ELP4: variants seen among roughly 807,000 people sequenced by gnomAD.
ELP4 encodes elongator acetyltransferase complex subunit 4, also known as elongator complex protein 4.
A neutral mutation model predicts 48.9 loss-of-function variants in ELP4; 51 were observed. The observed-to-expected ratio is 1.04, with a 90% CI of 0.83 to 1.32. The LOEUF (loss-of-function observed/expected upper bound fraction) is 1.32. Ranked by LOEUF, ELP4 falls within the 40% of genes most tolerant of loss-of-function variation. The probability of loss-of-function intolerance (pLI) is 0.00; values close to 1 mark genes in which losing one functional copy is unlikely to be tolerated. For synonymous variants in ELP4, 210 were observed against 189.2 expected, an observed-to-expected ratio of 1.11 and a Z score of -0.90; for missense variants, 519 against 514.6, an observed-to-expected ratio of 1.01 and a Z score of -0.08.
At chr11:31,725,781 T>A (rs1017628649) in intron 9 of ELP4, among the ~76,000 whole-genome samples, 1 of 152,150 alleles carries the variant, frequency 6.6e-6, no homozygotes, top group South Asian at 2.1e-4. Flanking sequence ...CCTTAGAGGG[T>A]ATCTGGGTCC....
intron 9 of ELP4, among the ~76,000 whole-genome samples, chr11:31,702,734 A>G (rs1200236120): frequency 6.6e-6 from 1 of 152,140 alleles, no homozygotes; most frequent in Non-Finnish European, 1.5e-5. Context: ...TCTGGCTATA[A>G]AAAATCTCTG....
At chr11:31,744,894 C>T (rs897093322) in intron 9 of ELP4, among the ~76,000 whole-genome samples, 1 of 152,016 alleles carries the variant, frequency 6.6e-6, no homozygotes, top group African/African-American at 2.4e-5. Context: ...GGCCAGGGCA[C>T]TCAGGCAGGG....
At chr11:31,657,127 T>C (rs1945454498) in intron 9 of ELP4, among the ~76,000 whole-genome samples, 1 of 152,068 alleles carries the variant, frequency 6.6e-6, no homozygotes, top group South Asian at 2.1e-4. Flanking sequence ...TTAGTAAATA[T>C]GGTATCCTTA....
At chr11:31,557,605 A>C (rs963511722) in intron 3 of ELP4, among the ~76,000 whole-genome samples, 9 of 152,056 alleles carry the variant, frequency 5.9e-5, no homozygotes, top group African/African-American at 2.2e-4. Flanking sequence ...GAATCCAGAA[A>C]TACCTCAGGT....
intron 9 of ELP4, chr11:31,780,572 T>C (rs1948348781): frequency 6.6e-6 from 1 of 152,226 alleles, no homozygotes; most frequent in Admixed American, 6.5e-5. Flanking sequence ...TAAATTTTTA[T>C]GCTCAGAAGT....
intron 3 of ELP4, among the ~76,000 whole-genome samples, chr11:31,586,642 TG>T (rs1389747041): frequency 6.6e-6 from 1 of 151,868 alleles, no homozygotes; most frequent in African/African-American, 2.4e-5. Context: ...GTATGTTTTT[TG>T]GTTTTTTTTT....
intron 5 of ELP4, among the ~76,000 whole-genome samples, chr11:31,616,974 C>T (rs776325567): frequency 1.3e-4 from 20 of 151,968 alleles, no homozygotes; most frequent in Admixed American, 3.3e-4. Context: ...AACCCTTGTG[C>T]ACTATTTGGG....
At chr11:31,564,791 G>A (rs1233159699) in intron 3 of ELP4, among the ~76,000 whole-genome samples, 3 of 152,104 alleles carry the variant, frequency 2.0e-5, no homozygotes, top group African/African-American at 7.2e-5. Flanking sequence ...GTGGACATTT[G>A]GGTTGGTTCC....
At chr11:31,665,165 A>G (rs1945644304) in intron 9 of ELP4, among the ~76,000 whole-genome samples, 1 of 152,116 alleles carries the variant, frequency 6.6e-6, no homozygotes. Context: ...ATCTGTCTCA[A>G]CCAAACCACC....
chr11:31,536,802 C>T lies in ELP4; in HGVS notation c.260-2860C>T, dbSNP rs368992887. Among the ~76,000 whole-genome samples, 102 of 152,236 alleles carry T rather than the reference C, an allele frequency of 6.7e-4. 3 individuals are homozygous for T. The South Asian group carries it at 0.018, about 27-fold the overall frequency. Reference sequence around the variant, plus strand: ...TCTTTTTTTGTAAAGCATGTGTTCACATCTTTTGCTCATTTTTATGTTGCC... The same window carrying T: ...TCTTTTTTTGTAAAGCATGTGTTCATATCTTTTGCTCATTTTTATGTTGCC... On this transcript the variant is annotated intron_variant, in intron 2 of 9. Transcript: ENST00000640961.
chr11:31,695,758 G>C (rs545094048), intron 9 of ELP4, among the ~76,000 whole-genome samples: 44 of 133,040 alleles, frequency 3.3e-4, no homozygotes, highest in African/African-American at 1.1e-3. Context: ...GCTCCTCCTT[G>C]TACCTCTGGT....
At chr11:31,730,617 C>A (rs1201914999) in intron 9 of ELP4, among the ~76,000 whole-genome samples, 1 of 152,140 alleles carries the variant, frequency 6.6e-6, no homozygotes, top group Non-Finnish European at 1.5e-5. Flanking sequence ...TCTCTCAGAG[C>A]ACTGACACGG....
intron 9 of ELP4, among the ~76,000 whole-genome samples, chr11:31,760,126 G>A (rs1947914341): frequency 6.6e-6 from 1 of 152,174 alleles, no homozygotes; most frequent in South Asian, 2.1e-4. Context: ...CCACCTTTGG[G>A]ATGGACTCTA....
chr11:31,531,712 G>A (rs1274856987), intron 2 of ELP4, among the ~76,000 whole-genome samples: 1 of 152,172 alleles, frequency 6.6e-6, no homozygotes, highest in Non-Finnish European at 1.5e-5. Context: ...CTTTTTGGGT[G>A]TTTTTCGACT....
intron 9 of ELP4, among the ~76,000 whole-genome samples, chr11:31,692,254 G>A (rs190173009): frequency 1.7e-3 from 252 of 152,242 alleles, no homozygotes; most frequent in African/African-American, 5.4e-3. Context: ...AAATATTAGA[G>A]TTGGGGAGGA....
At position 31,786,895 on chromosome 11, in the gene ELP4, A is replaced by G; in HGVS notation, c.*3371A>G. On this transcript the variant is annotated 3_prime_UTR_variant, in exon 10 of 10. Transcript: ENST00000640961. Reference sequence around the variant, plus strand: ...TTTCCCAAGTCAGTCAAGTTTGGAGAAAAAATTTAGACGTTTAGTCCTGGG... The same window carrying G: ...TTTCCCAAGTCAGTCAAGTTTGGAGGAAAAATTTAGACGTTTAGTCCTGGG... The G allele has an allele frequency of 4.6e-6, 1 of 219,646 alleles. No homozygotes were observed. The highest frequency in any genetic ancestry group is 2.2e-5 in the African/African-American group (1 of 44,680). The allele number at this position is 219,646 out of a possible 1,614,324, so 13.6% of individuals were successfully genotyped here.
At chr11:31,532,770 G>GT (rs1166501622) in intron 2 of ELP4, among the ~76,000 whole-genome samples, 1,624 of 123,462 alleles carry the variant, frequency 0.013, 22 homozygotes, top group South Asian at 0.045. Context: ...TTTTTTGTTG[G>GT]TTTTTTTTTT....
chr11:31,758,322 T>C (rs1410393000), intron 9 of ELP4, among the ~76,000 whole-genome samples: 2 of 152,226 alleles, frequency 1.3e-5, no homozygotes, highest in Non-Finnish European at 2.9e-5. Flanking sequence ...CACACTCATG[T>C]TCGTTCTTTA....
chr11:31,728,875 T>C (rs1158202421), intron 9 of ELP4, among the ~76,000 whole-genome samples: 1 of 152,208 alleles, frequency 6.6e-6, no homozygotes, highest in African/African-American at 2.4e-5. Flanking sequence ...AAAGTTAAGT[T>C]GAAAGGGTAC....
Sources: gnomAD v4.1 joint callset for allele counts (sites outside exome capture counted in the v4.1 genomes callset) on GRCh38, gnomAD v4.1.1 for gene constraint, MANE v1.5 for transcripts, NCBI Gene and HGNC (gene_info 2026-07-23, HGNC 2026-07-21) for gene names.